Variants in INTU observed in about 807,000 individuals in gnomAD.
INTU encodes the protein protein inturned.
In INTU, 68 loss-of-function variants were observed where a neutral mutation model predicts 100.5. The observed-to-expected ratio is 0.68, with a 90% CI of 0.56 to 0.83. The LOEUF (loss-of-function observed/expected upper bound fraction) is 0.83, where lower values mean the gene tolerates loss of function less well. INTU is among the 40% of genes least tolerant of loss of function. INTU has a pLI of 0.00. For missense variants in INTU, 1,071 were observed against 1,114.7 expected (o/e 0.96, Z 0.56); for synonymous variants, 357 against 395.7 (o/e 0.90, Z 1.16).
At chr4:127,634,682 C>G (rs1178290422) in intron 1 of INTU, among the ~76,000 whole-genome samples, 1 of 152,140 alleles carries the variant, frequency 6.6e-6, no homozygotes. Flanking sequence ...GTTCTAGTGT[C>G]TTTATCCTCC....
chr4:127,660,253 C>T (rs2126197030), intron 3 of INTU, among the ~76,000 whole-genome samples: 2 of 152,208 alleles, frequency 1.3e-5, no homozygotes, highest in Middle Eastern at 3.4e-3. Context: ...GAGAGAAGTC[C>T]AAGAAGCCTT....
chr4:127,643,510 C>T lies in INTU; in HGVS notation c.147-11C>T, dbSNP rs755303671. ...GGCTGCTATTAAGATTATCTTTTCT[C>T]TCTTTCATAGTGATCTTGAGCCTGA... On this transcript the variant is annotated splice_polypyrimidine_tract_variant and intron_variant, in intron 1 of 15. Transcript: ENST00000335251. The T allele has an allele frequency of 6.4e-7, 1 of 1,560,132 alleles. No individual in the cohort carries two copies. Among genetic ancestry groups the T allele is most frequent in the South Asian group, 1.2e-5 (1 of 81,344 alleles).
At chr4:127,637,991 C>T (rs971757281) in intron 1 of INTU, among the ~76,000 whole-genome samples, 16 of 152,174 alleles carry the variant, frequency 1.1e-4, no homozygotes. Context: ...AGCTTCAGCT[C>T]ATCTGAGACT....
intron 1 of INTU, among the ~76,000 whole-genome samples, chr4:127,640,977 A>G (rs1452124628): frequency 6.6e-6 from 1 of 151,336 alleles, no homozygotes; most frequent in East Asian, 1.9e-4. Context: ...GCATGAAAGT[A>G]TAGTCACCAG....
intron 8 of INTU, among the ~76,000 whole-genome samples, chr4:127,688,335 G>A (rs181204671): frequency 7.9e-5 from 12 of 152,206 alleles, no homozygotes; most frequent in Admixed American, 4.6e-4. Flanking sequence ...CCCATGGATC[G>A]CATACCAATA....
chr4:127,680,305 A>G (rs1006531580), intron 6 of INTU, among the ~76,000 whole-genome samples: 3 of 151,560 alleles, frequency 2.0e-5, no homozygotes, highest in African/African-American at 7.3e-5. Context: ...CAACCAAAAA[A>G]GAGAATTTTA....
chr4:127,707,913 T>C (rs1730954847), intron 12 of INTU, among the ~76,000 whole-genome samples: 1 of 152,168 alleles, frequency 6.6e-6, no homozygotes, highest in Non-Finnish European at 1.5e-5. Context: ...TGGATGGAGG[T>C]GACACCAGAT....
At chr4:127,707,668 T>C (rs988028647) in intron 12 of INTU, among the ~76,000 whole-genome samples, 3 of 152,102 alleles carry the variant, frequency 2.0e-5, no homozygotes, top group Non-Finnish European at 4.4e-5. Context: ...TGTATGTCTC[T>C]GTGTGTATTA....
intron 6 of INTU, among the ~76,000 whole-genome samples, chr4:127,674,675 A>G (rs1323831007): frequency 6.6e-6 from 1 of 152,200 alleles, no homozygotes; most frequent in African/African-American, 2.4e-5. Context: ...TTATATTATC[A>G]TGGTCTCCCT....
chr4:127,698,480 C>T (rs990367531), intron 8 of INTU, among the ~76,000 whole-genome samples: 8 of 150,234 alleles, frequency 5.3e-5, no homozygotes, highest in East Asian at 2.0e-4. Flanking sequence ...AAAAAAAAGT[C>T]GTGTGTGAGG....
rs763598398 is a variant in INTU at position 127,711,059 on chromosome 4, G to A, written c.2516G>A (p.Cys839Tyr). The change falls in exon 14 of 16, where the codon TGT becomes TAT. Residue 839 changes from cysteine (C) to tyrosine (Y), a missense_variant. By Grantham distance (194) the Cys-to-Tyr change is radical (BLOSUM62 -2). Transcript: ENST00000335251. ...CTAATAAAGAATTTCCATCAGTGTT[G>A]TCTTTCCATTCGTGCAGTTTTCCAA... is the stretch of plus-strand genomic sequence containing the variant. ...PQLIKNFHQC[C>Y]LSIRAVFQQT... The A allele has an allele frequency of 1.2e-6, 2 of 1,605,604 alleles. No homozygotes were observed. Among genetic ancestry groups the A allele is most frequent in the Non-Finnish European group, 1.7e-6 (2 of 1,173,960 alleles).
intron 1 of INTU, among the ~76,000 whole-genome samples, chr4:127,641,722 C>T (rs1201965074): frequency 6.6e-6 from 1 of 152,218 alleles, no homozygotes; most frequent in Middle Eastern, 3.4e-3. Flanking sequence ...TAAGCAAGGG[C>T]GGGAACTGAC....
In INTU at chr4:127,706,724, A is replaced by T; in HGVS notation, c.2026A>T (p.Ile676Phe). ...AACAGATAGCTTGACCACTTCGCCT[A>T]TTCTCAGTAGGCTACAAGGTACTTC... ...EKTDSLTTSP[I>F]LSRLQGTSKV... Residue 676 changes from isoleucine (I) to phenylalanine (F), a missense_variant, in exon 12 of 16, where the codon ATT (isoleucine) becomes TTT (phenylalanine). By Grantham distance (21) the Ile-to-Phe change is conservative (BLOSUM62 0). Coordinates refer to ENST00000335251, the MANE Select transcript of INTU (RefSeq NM_015693.4). The T allele has an allele frequency of 6.2e-7, 1 of 1,614,100 alleles. No homozygotes were observed. The highest frequency in any genetic ancestry group is 8.5e-7 in the Non-Finnish European group (1 of 1,179,986).
intron 8 of INTU, among the ~76,000 whole-genome samples, chr4:127,691,962 G>GTGTGTATGTA: frequency 1.0e-5 from 1 of 98,230 alleles, no homozygotes; most frequent in African/African-American, 4.0e-5. Context: ...TCCATGGTAT[G>GTGTGTATGTA]TATATATATA....
At position 127,720,155 on chromosome 4, in the gene INTU, G is replaced by A. The variant is rs1731324620; in HGVS notation, c.*3719G>A. The A allele has an allele frequency of 4.6e-5, 7 of 152,204 alleles. No individual in the cohort carries two copies. The South Asian group carries it at 1.5e-3, about 32-fold the overall frequency. 9.4% of individuals were successfully genotyped at this position (152,204 alleles called of 1,614,324 possible). A position where few individuals can be genotyped will look rare whatever the true frequency, so the allele number is the denominator to read the frequency against. On this transcript the variant is annotated 3_prime_UTR_variant, in exon 16 of 16. Coordinates refer to ENST00000335251, the MANE Select transcript of INTU (RefSeq NM_015693.4). ...TCCCTCTTAACACTGCTTTAGCTAT[G>A]CCCCAGAGATTCTGGTACATTGTCT... is the stretch of plus-strand genomic sequence containing the variant.
At chr4:127,680,917 A>T (rs1471725286) in intron 6 of INTU, among the ~76,000 whole-genome samples, 1 of 152,056 alleles carries the variant, frequency 6.6e-6, no homozygotes, top group Non-Finnish European at 1.5e-5. Context: ...CAGGATACAA[A>T]ATCAATGTAC....
Position 127,716,421 on chromosome 4 carries a change from T to C in INTU, c.2814T>C (p.Phe938=). Residue 938 remains phenylalanine (F), a synonymous_variant, in exon 16 of 16, where the codon TTT becomes TTC. Transcript: ENST00000335251. ...IAIEIAFKLF[F]GLTL ...TTGAAATAGCTTTTAAATTGTTCTT[T>C]GGGTTAACCTTGTAGCTGTGCTTTC... 1 of 1,566,844 alleles carries C rather than the reference T, an allele frequency of 6.4e-7. No individual in the cohort carries two copies. The highest frequency in any genetic ancestry group is 1.2e-5 in the South Asian group (1 of 85,518).
chr4:127,702,435 C>G (rs1024449277), intron 9 of INTU, among the ~76,000 whole-genome samples: 1 of 152,094 alleles, frequency 6.6e-6, no homozygotes, highest in Non-Finnish European at 1.5e-5. Flanking sequence ...GGAAACAACT[C>G]AAATAACTTA....
chr4:127,654,583 G>C (rs1044307786), intron 2 of INTU, among the ~76,000 whole-genome samples: 1 of 152,030 alleles, frequency 6.6e-6, no homozygotes, highest in Non-Finnish European at 1.5e-5. Flanking sequence ...GGTTTCTGCC[G>C]AGAGACCCGC....
Sources: gnomAD v4.1 joint callset for allele counts (sites outside exome capture counted in the v4.1 genomes callset) on GRCh38, gnomAD v4.1.1 for gene constraint, MANE v1.5 for transcripts, NCBI Gene and HGNC (gene_info 2026-07-23, HGNC 2026-07-21) for gene names.